The following TMEM65 variants were observed in gnomAD, a reference collection of about 807,000 sequenced individuals.
TMEM65 encodes the protein transmembrane protein 65.
A neutral mutation model predicts 25.4 loss-of-function variants in TMEM65; 22 were observed. The ratio of observed to expected loss-of-function variants is 0.86; its 90% CI spans 0.62 to 1.23. The LOEUF (loss-of-function observed/expected upper bound fraction) is 1.23, where lower values mean the gene tolerates loss of function less well. TMEM65 is among the 50% of genes most tolerant of loss of function. The pLI, the probability that TMEM65 is intolerant of heterozygous loss-of-function variation, is 0.00. For synonymous variants in TMEM65, 132 were observed against 126.2 expected (o/e 1.05, Z -0.31); for missense variants, 262 against 308.2 (o/e 0.85, Z 1.12).
At chr8:124,337,910 AGTTT>A (rs920259198) in intron 1 of TMEM65, among the ~76,000 whole-genome samples, 13 of 152,020 alleles carry the variant, frequency 8.6e-5, no homozygotes, top group African/African-American at 1.9e-4. Flanking sequence ...GAGGATATTG[AGTTT>A]GTTTTTTATT....
chr8:124,336,522 G>A (rs1312943655), intron 1 of TMEM65, among the ~76,000 whole-genome samples: 1 of 151,708 alleles, frequency 6.6e-6, no homozygotes, highest in African/African-American at 2.4e-5. Context: ...AATGGAATCA[G>A]TAACAATAAG....
intron 1 of TMEM65, among the ~76,000 whole-genome samples, chr8:124,349,809 C>T (rs1328256827): frequency 1.3e-5 from 2 of 152,038 alleles, no homozygotes; most frequent in Admixed American, 6.6e-5. Flanking sequence ...GTCCTACTAT[C>T]AGTTATCATT....
intron 1 of TMEM65, among the ~76,000 whole-genome samples, chr8:124,367,430 A>T (rs1193869006): frequency 6.6e-6 from 1 of 152,140 alleles, no homozygotes; most frequent in East Asian, 1.9e-4. Context: ...CTGAGATCGC[A>T]CCACTGCACT....
Position 124,372,222 on chromosome 8 carries a change from G to C in TMEM65, c.-65C>G. On this transcript the variant is annotated 5_prime_UTR_variant, in exon 1 of 7. Coordinates refer to ENST00000297632, the MANE Select transcript of TMEM65 (RefSeq NM_194291.3). ...AGGCGGTTTCTGGCGCGGCTGAGGC[G>C]AGAAGGAGCTGGGCTCAGCTCGACC... is the stretch of plus-strand genomic sequence containing the variant. 8.2e-7 allele frequency: 1 copy of C among 1,223,864 alleles called. No homozygotes were observed. Among genetic ancestry groups the C allele is most frequent in the South Asian group, 1.7e-5 (1 of 60,028 alleles). 75.8% of individuals were successfully genotyped at this position (1,223,864 alleles called of 1,614,324 possible).
chr8:124,367,697 G>A lies in TMEM65; in HGVS notation c.304+4157C>T, dbSNP rs144810075. Among the ~76,000 whole-genome samples, 212 of 152,128 alleles carry A rather than the reference G, an allele frequency of 1.4e-3. 2 individuals are homozygous for A. The highest frequency in any genetic ancestry group is 2.5e-3 in the Non-Finnish European group (168 of 68,010). On this transcript the variant is annotated intron_variant, in intron 1 of 6. Coordinates refer to ENST00000297632, the MANE Select transcript of TMEM65 (RefSeq NM_194291.3). ...TGTCAACGTCCTCTTATACTATATG[G>A]CAAGTTCTCAAAACAAAGCTCTTCA...
chr8:124,342,901 A>G (rs1814598241), intron 1 of TMEM65, among the ~76,000 whole-genome samples: 1 of 152,150 alleles, frequency 6.6e-6, no homozygotes, highest in African/African-American at 2.4e-5. Flanking sequence ...TCATTCAATT[A>G]CCACATTTAA....
chr8:124,371,515 G>T (rs1045910194), intron 1 of TMEM65, among the ~76,000 whole-genome samples: 5 of 152,254 alleles, frequency 3.3e-5, no homozygotes, highest in Non-Finnish European at 7.3e-5. Flanking sequence ...AGGAGGGCTG[G>T]GGAGGGGAGG....
In TMEM65 at chr8:124,310,347, A is replaced by G. The variant is rs1023077815; in HGVS notation, c.*3613T>C. 2.0e-5 allele frequency: 3 copies of G among 152,178 alleles called. No individual in the cohort carries two copies. Among genetic ancestry groups the G allele is most frequent in the Non-Finnish European group, 2.9e-5 (2 of 68,030 alleles). 9.4% of individuals were successfully genotyped at this position (152,178 alleles called of 1,614,324 possible). ...ATTGTAAGCACAATATTCTTAAATTATAGATAAGAAAATGACTCCATGAAT... is the reference window on the plus strand; with the variant it reads ...ATTGTAAGCACAATATTCTTAAATTGTAGATAAGAAAATGACTCCATGAAT... On this transcript the variant is annotated 3_prime_UTR_variant, in exon 7 of 7. Transcript: ENST00000297632.
intron 3 of TMEM65, 39 bp from the exon 4 acceptor site, chr8:124,323,414 TGAAGTGACTATA>T: frequency 8.4e-7 from 1 of 1,184,846 alleles, no homozygotes; most frequent in Non-Finnish European, 1.2e-6. Context: ...AAATTAAAGC[TGAAGTGACTATA>T]AAAGAATAGC....
chr8:124,335,502 G>A (rs10216914), intron 1 of TMEM65, among the ~76,000 whole-genome samples: 74 of 152,174 alleles, frequency 4.9e-4, no homozygotes, highest in African/African-American at 1.6e-3. Context: ...ACTGTGTAAT[G>A]CAAAAATTGT....
chr8:124,338,478 C>T (rs1814539245), intron 1 of TMEM65, among the ~76,000 whole-genome samples: 1 of 152,016 alleles, frequency 6.6e-6, no homozygotes, highest in Non-Finnish European at 1.5e-5. Flanking sequence ...TTACCCCCAT[C>T]TCACTGCATT....
rs1814153090 is a variant in TMEM65 at position 124,311,122 on chromosome 8, T to C, written c.*2838A>G. ...GACTATTACATAAACAGCTTGGATA[T>C]ATCTGCTGTAAATACCCATCAGTGT... On this transcript the variant is annotated 3_prime_UTR_variant, in exon 7 of 7. Transcript: ENST00000297632. 6.6e-6 allele frequency: 1 copy of C among 152,182 alleles called. No individual in the cohort carries two copies. The highest frequency in any genetic ancestry group is 1.5e-5 in the Non-Finnish European group (1 of 68,028). 9.4% of individuals were successfully genotyped at this position (152,182 alleles called of 1,614,324 possible). A position where few individuals can be genotyped will look rare whatever the true frequency, so the allele number is the denominator to read the frequency against.
At chr8:124,371,129 G>A (rs1033034836) in intron 1 of TMEM65, among the ~76,000 whole-genome samples, 7 of 152,078 alleles carry the variant, frequency 4.6e-5, no homozygotes, top group South Asian at 2.1e-4. Flanking sequence ...AATTACTTTT[G>A]AGCATCAGTC....
chr8:124,317,332 T>C (rs553363474), intron 6 of TMEM65, among the ~76,000 whole-genome samples: 1 of 152,280 alleles, frequency 6.6e-6, no homozygotes, highest in East Asian at 1.9e-4. Flanking sequence ...TGATTATCAA[T>C]GAGCAACTAC....
chr8:124,354,485 T>A (rs1274474029), intron 1 of TMEM65, among the ~76,000 whole-genome samples: 1 of 152,244 alleles, frequency 6.6e-6, no homozygotes, highest in Middle Eastern at 3.4e-3. Flanking sequence ...GTCCTGATAA[T>A]AGACAGCCCT....
intron 6 of TMEM65, among the ~76,000 whole-genome samples, chr8:124,318,077 A>G (rs538338031): frequency 6.6e-6 from 1 of 152,308 alleles, no homozygotes; most frequent in South Asian, 2.1e-4. Context: ...GATTACCAAA[A>G]GCGAGTTGCA....
intron 1 of TMEM65, among the ~76,000 whole-genome samples, chr8:124,345,875 C>G (rs554491412): frequency 6.6e-6 from 1 of 152,226 alleles, no homozygotes; most frequent in East Asian, 1.9e-4. Flanking sequence ...TCCAGAGTAG[C>G]TGGGATTACA....
chr8:124,371,944 C>T lies in TMEM65; in HGVS notation c.214G>A (p.Ala72Thr). The T allele has an allele frequency of 2.6e-6, 4 of 1,516,176 alleles. No homozygotes were observed. The highest frequency in any genetic ancestry group is 3.5e-6 in the Non-Finnish European group (4 of 1,135,516). 93.9% of individuals were successfully genotyped at this position (1,516,176 alleles called of 1,614,324 possible). A position where few individuals can be genotyped will look rare whatever the true frequency, so the allele number is the denominator to read the frequency against. The change falls in exon 1 of 7, where the codon GCG becomes ACG. Residue 72 changes from alanine (A) to threonine (T), a missense_variant. Transcript: ENST00000297632. ...PMEALNTAQG[A>T]RDFIYSLHST... Reference sequence around the variant, plus strand: ...TGCAGGCTGTAGATGAAGTCGCGCGCGCCCTGCGCCGTGTTCAGCGCCTCC... The same window carrying T: ...TGCAGGCTGTAGATGAAGTCGCGCGTGCCCTGCGCCGTGTTCAGCGCCTCC...
chr8:124,363,858 A>G (rs1814905015), intron 1 of TMEM65, among the ~76,000 whole-genome samples: 3 of 150,368 alleles, frequency 2.0e-5, no homozygotes, highest in Admixed American at 6.6e-5. Context: ...AAAAAAAAAA[A>G]AAAAAAAAAC....
Sources: allele counts gnomAD v4.1 joint callset (sites outside exome capture counted in the v4.1 genomes callset), GRCh38; gene constraint gnomAD v4.1.1; transcripts MANE v1.5; gene names NCBI Gene and HGNC (gene_info 2026-07-23, HGNC 2026-07-21).